Variants in OR9Q1 observed in about 807,000 individuals in gnomAD.
The protein encoded by OR9Q1 is olfactory receptor 9Q1.
For synonymous variants in OR9Q1, 153 were observed against 148.6 expected (o/e 1.03, Z -0.22); for missense variants, 374 against 378.8 (o/e 0.99, Z 0.11).
chr11:58,128,464 AAG>A, intron 2 of OR9Q1, among the ~76,000 whole-genome samples: 1 of 152,316 alleles, frequency 6.6e-6, no homozygotes, highest in South Asian at 2.1e-4. Context: ...TTAGTGGAGA[AAG>A]AAATATTTAT....
intron 2 of OR9Q1, among the ~76,000 whole-genome samples, chr11:58,142,614 T>C (rs186456726): frequency 1.7e-3 from 260 of 152,322 alleles, no homozygotes; most frequent in African/African-American, 5.6e-3. Flanking sequence ...TAAAGTCCTA[T>C]GAGATCTTTT....
At position 58,179,930 on chromosome 11, in the gene OR9Q1, A is replaced by G. The variant is rs1854646116; in HGVS notation, c.486A>G (p.Ser162=). The change falls in exon 3 of 3, where the codon TCA becomes TCG. Residue 162 remains serine, a synonymous_variant. Coordinates refer to ENST00000335397, the MANE Select transcript of OR9Q1 (RefSeq NM_001005212.4). ...TCAGTGCCTTGGTGCGGACAGTCTC[A>G]GCCTTCACTCTCTCCTTCTGTGGAA... ...GLISALVRTV[S]AFTLSFCGTS... 1.2e-6 allele frequency: 2 copies of G among 1,614,026 alleles called. No individual in the cohort carries two copies. Among genetic ancestry groups the G allele is most frequent in the African/African-American group, 2.7e-5 (2 of 74,932 alleles).
At chr11:58,072,013 A>G (rs1477950376) in intron 2 of OR9Q1, among the ~76,000 whole-genome samples, 1 of 152,208 alleles carries the variant, frequency 6.6e-6, no homozygotes, top group East Asian at 1.9e-4. Context: ...CCCTTACGAC[A>G]TGAGTTTACC....
intron 2 of OR9Q1, among the ~76,000 whole-genome samples, chr11:58,132,793 C>T (rs185750766): frequency 4.6e-5 from 7 of 152,274 alleles, no homozygotes; most frequent in African/African-American, 7.2e-5. Flanking sequence ...TGCAGAGGCC[C>T]TTTTCTGAAG....
At chr11:58,170,175 G>A (rs1854541031) in intron 2 of OR9Q1, among the ~76,000 whole-genome samples, 1 of 151,966 alleles carries the variant, frequency 6.6e-6, no homozygotes, top group African/African-American at 2.4e-5. Context: ...TTTTTCAGAT[G>A]CTTCTAAAAA....
chr11:58,126,694 T>A (rs1854093507), intron 2 of OR9Q1, among the ~76,000 whole-genome samples: 2 of 152,186 alleles, frequency 1.3e-5, no homozygotes, highest in East Asian at 3.8e-4. Flanking sequence ...AAATATCTAT[T>A]GAAATAACTG....
chr11:58,065,248 C>T (rs1853417801), intron 2 of OR9Q1, among the ~76,000 whole-genome samples: 1 of 152,186 alleles, frequency 6.6e-6, no homozygotes, highest in African/African-American at 2.4e-5. Context: ...ACAGGTGACA[C>T]AGACACATAG....
chr11:58,050,395 A>G lies in OR9Q1; in HGVS notation c.-92-5475A>G, dbSNP rs1218599759. 2.9e-4 allele frequency among the ~76,000 whole-genome samples: 41 copies of G among 141,600 alleles called. No homozygotes were observed. In the East Asian group the frequency reaches 7.7e-3, roughly 26 times the overall value. The allele number at this position is 141,600 out of a possible 152,430, so 92.9% of individuals were successfully genotyped here. ...GGTGCTGGGAAAACTGGCTAGCGAT[A>G]TGTAGAAAGCTGAAACTGGATCCCT... On this transcript the variant is annotated intron_variant, in intron 1 of 2. Coordinates refer to ENST00000335397, the MANE Select transcript of OR9Q1 (RefSeq NM_001005212.4).
intron 2 of OR9Q1, chr11:58,109,753 TA>T (rs1853881254): frequency 8.2e-6 from 3 of 366,004 alleles, no homozygotes; most frequent in African/African-American, 6.4e-5. Context: ...AGATGTTAAG[TA>T]AATGTCCCAG....
chr11:58,099,225 A>G (rs1853760563), intron 2 of OR9Q1, among the ~76,000 whole-genome samples: 1 of 149,530 alleles, frequency 6.7e-6, no homozygotes, highest in Non-Finnish European at 1.5e-5. Context: ...TTTATCCTAA[A>G]TGATTTTTTG....
chr11:58,055,992 T>C (rs2119982191), intron 2 of OR9Q1, 45 bp downstream of exon 2: 1 of 152,348 alleles, frequency 6.6e-6, no homozygotes, highest in East Asian at 1.9e-4. Context: ...CAGTCTGTGC[T>C]ACTTTGTTAT....
chr11:58,133,242 T>C (rs1854160244), intron 2 of OR9Q1, among the ~76,000 whole-genome samples: 1 of 152,204 alleles, frequency 6.6e-6, no homozygotes, highest in Non-Finnish European at 1.5e-5. Flanking sequence ...TTGTTTTGTT[T>C]TGTTTTTGGT....
intron 2 of OR9Q1, among the ~76,000 whole-genome samples, chr11:58,170,824 A>G (rs1173277724): frequency 1.3e-5 from 2 of 152,080 alleles, no homozygotes; most frequent in African/African-American, 2.4e-5. Context: ...TGTCCATTAA[A>G]CTTTTTTTCT....
chr11:58,129,441 A>G (rs1032687025), intron 2 of OR9Q1, among the ~76,000 whole-genome samples: 10 of 152,250 alleles, frequency 6.6e-5, no homozygotes, highest in African/African-American at 2.4e-4. Context: ...TAAGTTCCCT[A>G]TTAAAAACCT....
intron 2 of OR9Q1, among the ~76,000 whole-genome samples, chr11:58,154,109 G>C (rs1205294537): frequency 2.0e-5 from 3 of 151,460 alleles, no homozygotes; most frequent in Non-Finnish European, 2.9e-5. Context: ...GGAGGAGGAA[G>C]GAGGAGGGGG....
chr11:58,138,311 G>T (rs1279034428), intron 2 of OR9Q1, among the ~76,000 whole-genome samples: 2 of 152,156 alleles, frequency 1.3e-5, no homozygotes, highest in Non-Finnish European at 2.9e-5. Context: ...CCAAAGTGAT[G>T]GCCACAGTGT....
At chr11:58,089,413 C>T (rs1173239075) in intron 2 of OR9Q1, among the ~76,000 whole-genome samples, 1 of 151,844 alleles carries the variant, frequency 6.6e-6, no homozygotes, top group Non-Finnish European at 1.5e-5. Flanking sequence ...ATCCTTTCCC[C>T]ATTGCTTGAT....
At chr11:58,024,426 C>A (rs950158291) in intron 1 of OR9Q1, among the ~76,000 whole-genome samples, 1 of 152,076 alleles carries the variant, frequency 6.6e-6, no homozygotes, top group South Asian at 2.1e-4. Flanking sequence ...GGGACTAGGC[C>A]CCCAGATGCC....
At chr11:58,119,089 G>A (rs202026547) in intron 2 of OR9Q1, 5 of 1,613,936 alleles carry the variant, frequency 3.1e-6, no homozygotes, top group Non-Finnish European at 4.2e-6. Context: ...GCGATCATAG[G>A]CCATCACTGC....
Sources: allele counts gnomAD v4.1 joint callset (sites outside exome capture counted in the v4.1 genomes callset), GRCh38; gene constraint gnomAD v4.1.1; transcripts MANE v1.5; gene names NCBI Gene and HGNC (gene_info 2026-07-23, HGNC 2026-07-21).